The following RAP1A variants were observed in gnomAD, a reference collection of about 807,000 sequenced individuals.
The protein encoded by RAP1A is ras-related protein Rap-1A.
A neutral mutation model predicts 26.4 loss-of-function variants in RAP1A; 6 were observed. That is an observed-to-expected ratio of 0.23 (90% CI 0.12 to 0.45). RAP1A has a LOEUF of 0.45. RAP1A is among the 20% of genes least tolerant of loss of function. RAP1A has a pLI of 0.99. For synonymous variants in RAP1A, 73 were observed against 79.4 expected (o/e 0.92, Z 0.43); for missense variants, 121 against 217.2 (o/e 0.56, Z 2.78).
At chr1:111,640,891 G>A (rs188509573) in intron 1 of RAP1A, among the ~76,000 whole-genome samples, 1 of 152,302 alleles carries the variant, frequency 6.6e-6, no homozygotes, top group Non-Finnish European at 1.5e-5. Flanking sequence ...TTGAGCATGG[G>A]AGGTTGAGGC....
At chr1:111,576,899 A>G (rs1386606326) in intron 1 of RAP1A, among the ~76,000 whole-genome samples, 1 of 152,194 alleles carries the variant, frequency 6.6e-6, no homozygotes, top group East Asian at 1.9e-4. Context: ...GAACATCTTT[A>G]TACTAGAGCT....
intron 1 of RAP1A, among the ~76,000 whole-genome samples, chr1:111,571,009 A>AC (rs892063305): frequency 2.0e-4 from 31 of 152,326 alleles, no homozygotes; most frequent in African/African-American, 7.2e-4. Context: ...CACAGACCCC[A>AC]CAGGGTAAGG....
intron 1 of RAP1A, among the ~76,000 whole-genome samples, chr1:111,544,608 A>G (rs1162909557): frequency 6.6e-6 from 1 of 152,160 alleles, no homozygotes; most frequent in Non-Finnish European, 1.5e-5. Context: ...TTATCAGCTG[A>G]TAAACATTTG....
chr1:111,688,299 G>GTGTGTGTGTGTGTATGTGTA lies in RAP1A; in HGVS notation c.-27-3034_-27-3033insGTGTGTGTGTGTATGTGTAT, dbSNP rs149961847. On this transcript the variant is annotated intron_variant, in intron 1 of 7. Transcript: ENST00000369709. ...TGTGTGTGTGTGTGTGTGTGTGTGTGTATATATATTTTTTTCTTTCTTTCT... is the reference window on the plus strand; with the variant it reads ...TGTGTGTGTGTGTGTGTGTGTGTGTGTGTGTGTGTGTGTATGTGTATATATATATTTTTTTCTTTCTTTCT... Among the ~76,000 whole-genome samples the GTGTGTGTGTGTGTATGTGTA allele has an allele frequency of 5.7e-5, 8 of 140,700 alleles. No homozygotes were observed. The East Asian group carries it at 1.0e-3, about 18-fold the overall frequency. The allele number at this position is 140,700 out of a possible 152,430, so 92.3% of individuals were successfully genotyped here.
At chr1:111,674,189 G>A (rs565902244) in intron 1 of RAP1A, among the ~76,000 whole-genome samples, 14 of 152,190 alleles carry the variant, frequency 9.2e-5, no homozygotes, top group African/African-American at 1.7e-4. Flanking sequence ...AAATGTCAGC[G>A]ATCCCCAGAC....
chr1:111,648,510 C>T (rs6537712), intron 1 of RAP1A: 188,616 of 555,900 alleles, frequency 0.34, 33,101 homozygotes, highest in East Asian at 0.46. Context: ...CTGGGCCTGG[C>T]GTTGCCCCTC....
At chr1:111,629,028 C>G (rs1255074330) in intron 1 of RAP1A, among the ~76,000 whole-genome samples, 1 of 152,114 alleles carries the variant, frequency 6.6e-6, no homozygotes, top group African/African-American at 2.4e-5. Context: ...ATTTCTGGAG[C>G]TATTACCTTA....
At chr1:111,696,998 T>C (rs1352319947) in intron 3 of RAP1A, among the ~76,000 whole-genome samples, 1 of 152,218 alleles carries the variant, frequency 6.6e-6, no homozygotes, top group Non-Finnish European at 1.5e-5. Context: ...AACTTGAACA[T>C]GGTAAGTTGG....
At chr1:111,678,840 C>T (rs904138032) in intron 1 of RAP1A, among the ~76,000 whole-genome samples, 2 of 151,256 alleles carry the variant, frequency 1.3e-5, no homozygotes, top group African/African-American at 4.9e-5. Flanking sequence ...TTTGTATATT[C>T]CTTAAGATTT....
chr1:111,664,583 C>T (rs1446739061), intron 1 of RAP1A, among the ~76,000 whole-genome samples: 2 of 152,032 alleles, frequency 1.3e-5, no homozygotes, highest in Admixed American at 1.3e-4. Flanking sequence ...CACCCCCTTC[C>T]TCTCCCTGGG....
intron 6 of RAP1A, 47 bp from the exon 7 acceptor site, chr1:111,709,101 GT>G: frequency 6.4e-7 from 1 of 1,572,532 alleles, no homozygotes. Context: ...GTGGAACAAA[GT>G]CTCAAAAACT....
intron 2 of RAP1A, among the ~76,000 whole-genome samples, chr1:111,693,670 A>C (rs925382548): frequency 2.8e-4 from 42 of 152,212 alleles, no homozygotes; most frequent in Admixed American, 2.7e-3. Flanking sequence ...TAGAAGGCAC[A>C]TGGGCTCTTT....
chr1:111,699,235 C>A (rs1661937233), intron 4 of RAP1A, among the ~76,000 whole-genome samples: 1 of 152,200 alleles, frequency 6.6e-6, no homozygotes, highest in South Asian at 2.1e-4. Context: ...AATCAGAATT[C>A]TTAGTGATTT....
chr1:111,632,698 A>AG (rs1318046432), intron 1 of RAP1A, among the ~76,000 whole-genome samples: 1 of 151,924 alleles, frequency 6.6e-6, no homozygotes, highest in Non-Finnish European at 1.5e-5. Context: ...GGATCACCTG[A>AG]GGTCGGGAGT....
At chr1:111,688,100 T>TC (rs1278537365) in intron 1 of RAP1A, among the ~76,000 whole-genome samples, 1 of 148,728 alleles carries the variant, frequency 6.7e-6, no homozygotes, top group Non-Finnish European at 1.5e-5. Flanking sequence ...CCTCCAGCTT[T>TC]TTTTTTTTTT....
intron 1 of RAP1A, among the ~76,000 whole-genome samples, chr1:111,555,865 TG>T (rs1311021395): frequency 3.2e-4 from 48 of 152,152 alleles, no homozygotes; most frequent in African/African-American, 1.1e-3. Flanking sequence ...AACGATTTCT[TG>T]GATATGACAC....
At chr1:111,676,040 C>T (rs1489184499) in intron 1 of RAP1A, among the ~76,000 whole-genome samples, 1 of 152,140 alleles carries the variant, frequency 6.6e-6, no homozygotes, top group East Asian at 1.9e-4. Flanking sequence ...CCTAGCCCTG[C>T]CCTTGACACG....
At chr1:111,685,971 G>C (rs1661461657) in intron 1 of RAP1A, among the ~76,000 whole-genome samples, 1 of 152,148 alleles carries the variant, frequency 6.6e-6, no homozygotes, top group African/African-American at 2.4e-5. Flanking sequence ...CATGTCCTTT[G>C]CAGGGACATG....
At chr1:111,691,684 T>C (rs901446532) in intron 2 of RAP1A, among the ~76,000 whole-genome samples, 3 of 152,198 alleles carry the variant, frequency 2.0e-5, no homozygotes, top group African/African-American at 7.2e-5. Flanking sequence ...GGAGTAAGAT[T>C]GTTCTCTTTT....
Sources: gnomAD v4.1 joint callset for allele counts (sites outside exome capture counted in the v4.1 genomes callset) on GRCh38, gnomAD v4.1.1 for gene constraint, MANE v1.5 for transcripts, NCBI Gene and HGNC (gene_info 2026-07-23, HGNC 2026-07-21) for gene names.